The following KDM1A variants were observed in gnomAD, a reference collection of about 807,000 sequenced individuals.
KDM1A encodes lysine-specific histone demethylase 1A.
In KDM1A, 49 loss-of-function variants were observed where a neutral mutation model predicts 109.4. That is an observed-to-expected ratio of 0.45 (90% CI 0.36 to 0.57). KDM1A has a LOEUF of 0.57. Among genes scored for constraint, KDM1A ranks in the 20% least tolerant of loss-of-function variants. The pLI is 0.00. For synonymous variants in KDM1A, 380 were observed against 415.4 expected (o/e 0.91, Z 1.04); for missense variants, 668 against 1,116.6 (o/e 0.60, Z 5.73).
At position 23,082,003 on chromosome 1, in the gene KDM1A, T is replaced by C. The variant is rs576753329; in HGVS notation, c.2299-217T>C. ...AGCCCTGTGTAGATCTCTGGATTCA[T>C]AGACAGGAAGGCAACATGGAGGGGC... On this transcript the variant is annotated intron_variant, in intron 19 of 20. Coordinates refer to ENST00000400181, the MANE Select transcript of KDM1A (RefSeq NM_001009999.3). The C allele has an allele frequency of 9.6e-5, 35 of 363,664 alleles. No homozygotes were observed. The African/African-American group carries it at 1.1e-3, about 12-fold the overall frequency. The allele number at this position is 363,664 out of a possible 1,614,324, so 22.5% of individuals were successfully genotyped here.
chr1:23,024,087 A>T (rs1254807890), intron 1 of KDM1A, among the ~76,000 whole-genome samples: 1 of 152,072 alleles, frequency 6.6e-6, no homozygotes, highest in African/African-American at 2.4e-5. Flanking sequence ...GGGCTCAATC[A>T]TTCCTCCTGC....
intron 9 of KDM1A, among the ~76,000 whole-genome samples, chr1:23,064,508 C>T (rs1049541521): frequency 2.0e-5 from 3 of 152,216 alleles, no homozygotes; most frequent in Admixed American, 2.0e-4. Flanking sequence ...ACCTAGCGTA[C>T]ATTGCTGCAT....
At chr1:23,076,034 GTC>G (rs1164314543) in intron 15 of KDM1A, among the ~76,000 whole-genome samples, 14 of 152,186 alleles carry the variant, frequency 9.2e-5, no homozygotes, top group African/African-American at 3.1e-4. Flanking sequence ...TAGAGATAAA[GTC>G]TTGCAGAACT....
intron 1 of KDM1A, among the ~76,000 whole-genome samples, chr1:23,030,016 C>T (rs1474425287): frequency 6.6e-6 from 1 of 152,188 alleles, no homozygotes; most frequent in East Asian, 1.9e-4. Context: ...CACTCCATGC[C>T]CTCCATTTGG....
chr1:23,057,398 T>G, intron 7 of KDM1A, 86 bp from the exon 8 acceptor site: 1 of 948,658 alleles, frequency 1.1e-6, no homozygotes. Context: ...TTTTAAATTA[T>G]AGAAGACAGA....
At chr1:23,035,445 A>G (rs1283928930) in intron 2 of KDM1A, among the ~76,000 whole-genome samples, 1 of 152,072 alleles carries the variant, frequency 6.6e-6, no homozygotes, top group Non-Finnish European at 1.5e-5. Flanking sequence ...CAGGTGATCC[A>G]CCTGCCTCAG....
rs1463503040 is a variant in KDM1A at position 23,079,053 on chromosome 1, C to T, written c.1931C>T (p.Ala644Val). Residue 644 changes from alanine to valine, a missense_variant, in exon 17 of 21, where the codon GCA becomes GTA. This residue lies in a region of KDM1A where 162 missense variants were observed against 376.4 expected (regional missense o/e 0.43). Transcript: ENST00000400181. This position sits in a 1 kb window ranked among gnomAD's most constrained non-coding sequence, Gnocchi z 5.6. Reference sequence around the variant, plus strand: ...CAAACCTTTATTTATAAATGCGACGCAGTTCTCTGTACCCTTCCCCTGGGT... The same window carrying T: ...CAAACCTTTATTTATAAATGCGACGTAGTTCTCTGTACCCTTCCCCTGGGT... ...TSQTFIYKCD[A>V]VLCTLPLGVL... is the part of the protein sequence containing the mutation. 5 of 1,614,040 alleles carry T rather than the reference C, an allele frequency of 3.1e-6. No homozygotes were observed. Among genetic ancestry groups the T allele is most frequent in the Non-Finnish European group, 4.2e-6 (5 of 1,180,020 alleles).
Position 23,019,984 on chromosome 1 carries a change from G to T in KDM1A, c.351+37G>T, listed in dbSNP as rs1186684192. On this transcript the variant is annotated intron_variant, in intron 1 of 20. Transcript: ENST00000400181. ...CCCTTCCCTCAAACGACACCGCCTG[G>T]TGCCGAGCTTCCCCGAGGCTTCTCC... 2.1e-6 allele frequency: 3 copies of T among 1,448,208 alleles called. No individual in the cohort carries two copies. The South Asian group carries it at 4.3e-5, about 21-fold the overall frequency. 89.7% of individuals were successfully genotyped at this position (1,448,208 alleles called of 1,614,324 possible).
At position 23,068,536 on chromosome 1, in the gene KDM1A, C is replaced by T. The variant is rs1346688616; in HGVS notation, c.1180-3C>T. 1.3e-6 allele frequency: 2 copies of T among 1,568,520 alleles called. No individual in the cohort carries two copies. The highest frequency in any genetic ancestry group is 1.7e-6 in the Non-Finnish European group (2 of 1,165,964). ...CCAACTCTGCTATACTTCGGATTTT[C>T]AGGTTCCTAAAGAGAAAGATGAAAT... is the stretch of plus-strand genomic sequence containing the variant. On this transcript the variant is annotated splice_region_variant and splice_polypyrimidine_tract_variant and intron_variant, in intron 10 of 20. Transcript: ENST00000400181.
intron 15 of KDM1A, among the ~76,000 whole-genome samples, chr1:23,074,286 G>A (rs1643401925): frequency 6.6e-6 from 1 of 152,178 alleles, no homozygotes; most frequent in Non-Finnish European, 1.5e-5. Context: ...AAAAAAGTCT[G>A]ATTGTCTGCT....
intron 1 of KDM1A, among the ~76,000 whole-genome samples, chr1:23,027,442 C>G (rs1240599700): frequency 1.7e-5 from 2 of 120,706 alleles, no homozygotes; most frequent in Non-Finnish European, 3.3e-5. Flanking sequence ...GAGACAGGGT[C>G]TCGACTCTGT....
intron 9 of KDM1A, 130 bp downstream of exon 9, chr1:23,059,297 G>A (rs1182234213): frequency 9.3e-6 from 7 of 755,908 alleles, no homozygotes; most frequent in Middle Eastern, 2.3e-4. Flanking sequence ...ACTGAGGGTA[G>A]AGATGATGTG....
chr1:23,040,141 T>A (rs915172333), intron 2 of KDM1A, among the ~76,000 whole-genome samples: 5 of 152,254 alleles, frequency 3.3e-5, no homozygotes, highest in Admixed American at 6.5e-5. Context: ...TTCCTAGATT[T>A]AGAAGTTTCT....
chr1:23,068,912 T>C (rs1643228256), intron 11 of KDM1A, 149 bp from the exon 12 acceptor site: 4 of 628,352 alleles, frequency 6.4e-6, no homozygotes, highest in Non-Finnish European at 8.1e-6. Flanking sequence ...TAACATAGCC[T>C]AGGAAATAAT....
intron 4 of KDM1A, among the ~76,000 whole-genome samples, chr1:23,053,280 A>C (rs1557549443): frequency 6.6e-6 from 1 of 152,184 alleles, no homozygotes; most frequent in East Asian, 1.9e-4. Context: ...CTTATTTGAT[A>C]TGGCTTTGTG....
In KDM1A at chr1:23,029,683, A is replaced by G. The variant is rs577500921; in HGVS notation, c.352-786A>G. On this transcript the variant is annotated intron_variant, in intron 1 of 20. Coordinates refer to ENST00000400181, the MANE Select transcript of KDM1A (RefSeq NM_001009999.3). Reference sequence around the variant, plus strand: ...GAGATGGAGTCTCACTCTGTTGCCCAGGCTGCAGTGCAGTGGTGCGATCTT... The same window carrying G: ...GAGATGGAGTCTCACTCTGTTGCCCGGGCTGCAGTGCAGTGGTGCGATCTT... Among the ~76,000 whole-genome samples, 15 of 152,288 alleles carry G rather than the reference A, an allele frequency of 9.8e-5. No homozygotes were observed. The Middle Eastern group carries it at 0.014, about 138-fold the overall frequency.
chr1:23,044,353 A>G (rs1394109284), intron 2 of KDM1A, 74 bp from the exon 3 acceptor site: 3 of 1,401,186 alleles, frequency 2.1e-6, no homozygotes, highest in Non-Finnish European at 3.0e-6. Flanking sequence ...GTCGCCAACT[A>G]TTAGGCCTTT....
At chr1:23,033,053 C>T (rs1164964230) in intron 2 of KDM1A, among the ~76,000 whole-genome samples, 1 of 152,112 alleles carries the variant, frequency 6.6e-6, no homozygotes, top group Non-Finnish European at 1.5e-5. Flanking sequence ...TGCGTCACCA[C>T]GCCCAGCTAA....
In KDM1A at chr1:23,077,285, G is replaced by A; in HGVS notation, c.1792G>A (p.Val598Met). 1 of 1,614,104 alleles carries A rather than the reference G, an allele frequency of 6.2e-7. No homozygotes were observed. The highest frequency in any genetic ancestry group is 8.5e-7 in the Non-Finnish European group (1 of 1,179,954). Residue 598 changes from valine to methionine, a missense_variant, in exon 16 of 21, where the codon GTG (valine) becomes ATG (methionine). Transcript: ENST00000400181. The stretch of plus-strand genomic sequence containing the variant: ...GACAGTAAGGAATGGCTACTCGTGT[G>A]TGCCTGTGGCTTTAGCAGAAGGCCT... ...HLTVRNGYSCVPVALAEGLDI... is the reference protein window; with the variant it reads ...HLTVRNGYSCMPVALAEGLDI...
Sources: allele counts gnomAD v4.1 joint callset (sites outside exome capture counted in the v4.1 genomes callset), GRCh38; gene constraint gnomAD v4.1.1; regional missense constraint gnomAD v4.1.1; non-coding constraint Gnocchi (gnomAD v3.1); transcripts MANE v1.5; gene names NCBI Gene and HGNC (gene_info 2026-07-23, HGNC 2026-07-21).